RHBDF2: variants seen among roughly 807,000 people sequenced by gnomAD.
The protein encoded by RHBDF2 is inactive rhomboid protein 2.
RHBDF2 carries 38 observed loss-of-function variants against 95.2 expected under a neutral mutation model. The observed-to-expected ratio is 0.40, with a 90% CI of 0.31 to 0.52. The LOEUF is 0.52. RHBDF2 is among the 20% of genes least tolerant of loss of function. RHBDF2 has a pLI of 0.56. For missense variants in RHBDF2, 863 were observed against 1,137.7 expected (o/e 0.76, Z 3.47); for synonymous variants, 442 against 462.0 (o/e 0.96, Z 0.55).
At chr17:76,480,006 A>AGT in intron 3 of RHBDF2, 152 bp from the exon 4 acceptor site, 1 of 598,236 alleles carries the variant, frequency 1.7e-6, no homozygotes, top group Non-Finnish European at 2.5e-6. Flanking sequence ...ATATATATAT[A>AGT]ATGTGTGTGT....
Position 76,472,707 on chromosome 17 carries a change from G to A in RHBDF2, c.2043C>T (p.Ile681=), listed in dbSNP as rs1295217710. The change falls in exon 18 of 19, where the codon ATC becomes ATT. Residue 681 remains isoleucine, a synonymous_variant. Transcript: ENST00000675367. ...TTACCTCTGCCCGGTATGGGAGAAA[G>A]ATGGCACTGGCGAGGTTGCCTGTGA... ...SGITGNLASA[I]FLPYRAEVGP... is the part of the protein sequence containing the mutation. The A allele has an allele frequency of 6.2e-7, 1 of 1,614,130 alleles. No individual in the cohort carries two copies. The highest frequency in any genetic ancestry group is 8.5e-7 in the Non-Finnish European group (1 of 1,180,030).
chr17:76,480,006 A>ACTGTGTGT (rs1567879591), intron 3 of RHBDF2, 152 bp from the exon 4 acceptor site: 2 of 598,210 alleles, frequency 3.3e-6, no homozygotes, highest in African/African-American at 3.7e-5. Context: ...ATATATATAT[A>ACTGTGTGT]ATGTGTGTGT....
chr17:76,479,391 G>T (rs1376348272), intron 4 of RHBDF2, 114 bp from the exon 5 acceptor site: 1 of 1,453,132 alleles, frequency 6.9e-7, no homozygotes, highest in South Asian at 1.2e-5. Flanking sequence ...GAGGTGGGGG[G>T]CGGATCTGCC....
chr17:76,493,713 G>A (rs1169236300), intron 1 of RHBDF2, among the ~76,000 whole-genome samples: 2 of 152,184 alleles, frequency 1.3e-5, no homozygotes, highest in Non-Finnish European at 2.9e-5. Context: ...GCCGGAGCTG[G>A]TGGCAAGTGG....
Position 76,471,893 on chromosome 17 carries a change from T to C in RHBDF2, c.2224A>G (p.Ile742Val). 3.2e-6 allele frequency: 5 copies of C among 1,581,066 alleles called. No individual in the cohort carries two copies. The highest frequency in any genetic ancestry group is 1.2e-5 in the South Asian group (1 of 86,790). The part of the protein sequence containing the change: ...ICGLLPWIDN[I>V]AHIFGFLSGL... ...CTGAGGAAGCCGAAGATGTGGGCGA[T>C]GTTGTCGATCCAGGGCAGGAGGCCA... Residue 742 changes from isoleucine to valine, a missense_variant, in exon 19 of 19, where the codon ATC becomes GTC. This residue lies in a region of RHBDF2 where 252 missense variants were observed against 412.2 expected (regional missense o/e 0.61). Transcript: ENST00000675367.
chr17:76,476,811 C>G lies in RHBDF2; in HGVS notation c.1115+19G>C. The G allele has an allele frequency of 6.3e-7, 1 of 1,575,074 alleles. No homozygotes were observed. The highest frequency in any genetic ancestry group is 8.6e-7 in the Non-Finnish European group (1 of 1,162,898). On this transcript the variant is annotated intron_variant, in intron 9 of 18. Coordinates refer to ENST00000675367, the MANE Select transcript of RHBDF2 (RefSeq NM_001005498.4). ...GGAACCTTCCAGGCTCTCCTGGGGG[C>G]TCCAGGGCGACACCTCACCGGTGGC...
chr17:76,472,109 G>T, intron 18 of RHBDF2, 57 bp from the exon 19 acceptor site: 1 of 1,468,672 alleles, frequency 6.8e-7, no homozygotes, highest in Non-Finnish European at 9.1e-7. Flanking sequence ...CCTGGGCCGG[G>T]CCTGCACCCT....
intron 4 of RHBDF2, 73 bp downstream of exon 4, chr17:76,479,660 A>G: frequency 8.4e-7 from 1 of 1,196,392 alleles, no homozygotes; most frequent in Non-Finnish European, 1.2e-6. Context: ...GACCAGGCCC[A>G]ATCATGTCCA....
At position 76,474,060 on chromosome 17, in the gene RHBDF2, G is replaced by A. The variant is rs775774344; in HGVS notation, c.1547C>T (p.Ser516Leu). ...GGGGTCCTGGTGGCAGACAGCCCCC[G>A]AAGTCCGCTTCTGGCCCAGATCAGA... Reference protein sequence around the residue: ...DKSDLGQKRTSGAVCHQDPRT... With the variant: ...DKSDLGQKRTLGAVCHQDPRT... The change falls in exon 13 of 19, where the codon TCG (serine) becomes TTG (leucine). Residue 516 changes from serine (S) to leucine (L), a missense_variant. Ser to Leu is a moderately radical substitution (Grantham distance 145). This residue lies in a region of RHBDF2 where 611 missense variants were observed against 725.5 expected (regional missense o/e 0.84). Transcript: ENST00000675367. 18 of 1,613,224 alleles carry A rather than the reference G, an allele frequency of 1.1e-5. No homozygotes were observed. The highest frequency in any genetic ancestry group is 6.7e-5 in the East Asian group (3 of 44,880).
Position 76,496,773 on chromosome 17 carries a change from A to T in RHBDF2, c.-220+4580T>A, listed in dbSNP as rs549956462. ...TCCAGATCTCTTTTTTTTTTCTTTT[A>T]TTTTTTGAGACGGAGTCTCGCTCTG... On this transcript the variant is annotated intron_variant, in intron 1 of 18. Transcript: ENST00000675367. Among the ~76,000 whole-genome samples the T allele has an allele frequency of 3.4e-3, 510 of 149,586 alleles. 3 individuals carry two copies. Among genetic ancestry groups the T allele is most frequent in the African/African-American group, 0.011 (465 of 40,672 alleles).
chr17:76,497,071 T>C (rs2074443578), intron 1 of RHBDF2, among the ~76,000 whole-genome samples: 1 of 152,126 alleles, frequency 6.6e-6, no homozygotes, highest in South Asian at 2.1e-4. Context: ...CCAGATCTTC[T>C]TATGACTAAA....
intron 1 of RHBDF2, among the ~76,000 whole-genome samples, chr17:76,498,292 G>A (rs967777750): frequency 1.3e-4 from 20 of 152,202 alleles, no homozygotes; most frequent in African/African-American, 4.6e-4. Flanking sequence ...ACTGGGAGCC[G>A]CTTCCGACAG....
chr17:76,486,819 C>T (rs1000892782), intron 2 of RHBDF2, among the ~76,000 whole-genome samples: 2 of 152,054 alleles, frequency 1.3e-5, no homozygotes, highest in African/African-American at 4.8e-5. Flanking sequence ...TAATGTTGGG[C>T]CTCTGTCCGA....
At chr17:76,484,691 A>G (rs2074071108) in intron 2 of RHBDF2, among the ~76,000 whole-genome samples, 1 of 151,976 alleles carries the variant, frequency 6.6e-6, no homozygotes, top group Non-Finnish European at 1.5e-5. Flanking sequence ...GTTCTCACCC[A>G]AAGTCCAAAC....
chr17:76,495,323 C>G (rs775385497), intron 1 of RHBDF2, among the ~76,000 whole-genome samples: 1 of 152,228 alleles, frequency 6.6e-6, no homozygotes, highest in Non-Finnish European at 1.5e-5. Context: ...TGTACACAGA[C>G]AGGGCACTGT....
chr17:76,492,865 G>T (rs901420836), intron 1 of RHBDF2, among the ~76,000 whole-genome samples: 1 of 152,162 alleles, frequency 6.6e-6, no homozygotes, highest in Non-Finnish European at 1.5e-5. Context: ...GGGGTGGGAC[G>T]GGACAGGCCC....
chr17:76,472,590 G>C, intron 18 of RHBDF2, 96 bp downstream of exon 18: 2 of 1,486,026 alleles, frequency 1.3e-6, no homozygotes, highest in Non-Finnish European at 1.9e-6. Flanking sequence ...TACAGGAGGG[G>C]CACCGTGTCC....
In RHBDF2 at chr17:76,479,128, G is replaced by A. The variant is rs147368530; in HGVS notation, c.422C>T (p.Pro141Leu). Residue 141 changes from proline (P) to leucine (L), a missense_variant, in exon 5 of 19, where the codon CCG becomes CTG. By Grantham distance (98) the Pro-to-Leu change is moderately conservative. Around this residue, in one of 2 missense-constraint regions of RHBDF2, gnomAD observed 611 missense variants for 725.5 expected, o/e 0.84. Coordinates refer to ENST00000675367, the MANE Select transcript of RHBDF2 (RefSeq NM_001005498.4). ...RDLELPSQEA[P>L]SFQGTESPKP... ...TGGGGACTCAGTGCCCTGGAAGGAC[G>A]GTGCCTCCTGGCTGGGGAGCTCCAG... The A allele has an allele frequency of 4.0e-5, 64 of 1,613,492 alleles. No homozygotes were observed. The highest frequency in any genetic ancestry group is 1.7e-4 in the Middle Eastern group (1 of 6,052).
chr17:76,491,261 C>T (rs1426150003), intron 1 of RHBDF2, among the ~76,000 whole-genome samples: 1 of 152,200 alleles, frequency 6.6e-6, no homozygotes, highest in Non-Finnish European at 1.5e-5. Flanking sequence ...GCTTTTGGTT[C>T]TAGGGTTCTG....
Sources: gnomAD v4.1 joint callset for allele counts (sites outside exome capture counted in the v4.1 genomes callset) on GRCh38, gnomAD v4.1.1 for gene constraint, gnomAD v4.1.1 regional missense constraint, MANE v1.5 for transcripts, NCBI Gene and HGNC (gene_info 2026-07-23, HGNC 2026-07-21) for gene names.